The following TTK variants were observed in gnomAD, a reference collection of about 807,000 sequenced individuals.
TTK encodes the protein dual specificity protein kinase TTK.
In TTK, 59 loss-of-function variants were observed where a neutral mutation model predicts 117.3. That is an observed-to-expected ratio of 0.50 (90% CI 0.41 to 0.62). The LOEUF is 0.62. Among genes scored for constraint, TTK ranks in the 20% least tolerant of loss-of-function variants. The pLI, the probability that TTK is intolerant of heterozygous loss-of-function variation, is 0.00. For missense variants in TTK, 921 were observed against 989.4 expected, an observed-to-expected ratio of 0.93 and a Z score of 0.93; for synonymous variants, 302 against 325.0, an observed-to-expected ratio of 0.93 and a Z score of 0.76.
At chr6:80,020,344 A>T (rs1767425350) in intron 10 of TTK, among the ~76,000 whole-genome samples, 1 of 152,158 alleles carries the variant, frequency 6.6e-6, no homozygotes, top group Non-Finnish European at 1.5e-5. Context: ...TCAGTTTCAA[A>T]TGAGTTACTA....
intron 4 of TTK, among the ~76,000 whole-genome samples, chr6:80,009,701 T>C (rs1767092815): frequency 6.6e-6 from 1 of 152,100 alleles, no homozygotes. Context: ...TGCAATGTGG[T>C]CAAATGCATT....
intron 17 of TTK, 64 bp downstream of exon 17, chr6:80,036,663 T>C: frequency 6.7e-7 from 1 of 1,491,378 alleles, no homozygotes; most frequent in Non-Finnish European, 9.0e-7. Flanking sequence ...TGAAGTATTA[T>C]ATTGCAAATG....
chr6:80,022,123 A>G (rs533567889), intron 10 of TTK, among the ~76,000 whole-genome samples: 18 of 152,340 alleles, frequency 1.2e-4, no homozygotes, highest in African/African-American at 4.3e-4. Context: ...ATGTAGGAAG[A>G]TGACTATAGT....
At position 80,031,126 on chromosome 6, in the gene TTK, AAGAAT is replaced by A. The variant is rs544474091; in HGVS notation, c.1522-336_1522-332del. 2.4e-3 allele frequency among the ~76,000 whole-genome samples: 370 copies of A among 151,546 alleles called. 7 individuals carry two copies. The highest frequency in any genetic ancestry group is 0.023 in the Admixed American group (352 of 15,210). On this transcript the variant is annotated intron_variant, in intron 13 of 21. Coordinates refer to ENST00000369798, the MANE Select transcript of TTK (RefSeq NM_003318.5). ...ATGTAAGTAAAGAGGTATAAGGAAA[AAGAAT>A]AGAAAAGAAAAATGAAAAATATAAT...
chr6:80,029,474 A>G (rs1358515568), intron 13 of TTK, among the ~76,000 whole-genome samples: 7 of 152,256 alleles, frequency 4.6e-5, no homozygotes, highest in Non-Finnish European at 8.8e-5. Flanking sequence ...TTGTTCATGC[A>G]TTGATTCAAA....
intron 11 of TTK, among the ~76,000 whole-genome samples, 161 bp from the exon 12 acceptor site, chr6:80,026,217 A>G (rs1045289336): frequency 2.0e-5 from 3 of 152,208 alleles, no homozygotes; most frequent in African/African-American, 7.2e-5. Context: ...CACTAAAAAA[A>G]TTATTGAAAG....
intron 16 of TTK, among the ~76,000 whole-genome samples, chr6:80,036,108 G>A (rs763963853): frequency 7.2e-5 from 11 of 151,992 alleles, no homozygotes; most frequent in African/African-American, 2.4e-4. Context: ...AATCACAGTG[G>A]TTAAGAGGAT....
chr6:80,031,750 C>T (rs1015669077), intron 14 of TTK, among the ~76,000 whole-genome samples, 191 bp downstream of exon 14: 4 of 152,118 alleles, frequency 2.6e-5, no homozygotes, highest in Non-Finnish European at 4.4e-5. Flanking sequence ...CTTTAGATCT[C>T]TTATTCCCAG....
intron 13 of TTK, 89 bp downstream of exon 13, chr6:80,028,100 G>T (rs1767654357): frequency 7.3e-7 from 1 of 1,368,674 alleles, no homozygotes; most frequent in Non-Finnish European, 9.6e-7. Flanking sequence ...ATCAAGAAAG[G>T]TCTTAAGAAC....
chr6:80,036,454 C>G, intron 16 of TTK, 21 bp from the exon 17 acceptor site: 2 of 1,586,272 alleles, frequency 1.3e-6, no homozygotes, highest in Non-Finnish European at 1.7e-6. Context: ...TTTAATATTA[C>G]AGTGGATTTT....
rs1000597475 is a variant in TTK, at chr6:80,039,956, C to A, written c.2307+84C>A. 3 of 1,145,344 alleles carry A rather than the reference C, an allele frequency of 2.6e-6. No homozygotes were observed. In the African/African-American group the frequency reaches 4.9e-5, roughly 19 times the overall value. 70.9% of individuals were successfully genotyped at this position (1,145,344 alleles called of 1,614,324 possible). A position where few individuals can be genotyped will look rare whatever the true frequency, so the allele number is the denominator to read the frequency against. On this transcript the variant is annotated intron_variant, in intron 19 of 21. Transcript: ENST00000369798. ...AATTATGTAACTGGCTTAGATATAA[C>A]TGTTCTATTCAAAAGAATTGCTAAC...
intron 7 of TTK, 24 bp from the exon 8 acceptor site, chr6:80,011,858 GTTAT>G (rs1562012472): frequency 6.2e-7 from 1 of 1,611,790 alleles, no homozygotes. Context: ...TTCCTAGTTG[GTTAT>G]TTAATCTTTC....
chr6:80,011,958 G>A lies in TTK; in HGVS notation c.874G>A (p.Val292Ile). 1 of 1,608,980 alleles carries A rather than the reference G, an allele frequency of 6.2e-7. No homozygotes were observed. Among genetic ancestry groups the A allele is most frequent in the Non-Finnish European group, 8.5e-7 (1 of 1,178,342 alleles). ...TTGTGATGTGAAGACAGATGATTCA[G>A]TTGTACCTTGTTTTATGAAAAGGTA... ...PDCDVKTDDS[V>I]VPCFMKRQTS... is the part of the protein sequence containing the mutation. The change falls in exon 8 of 22, where the codon GTT (valine) becomes ATT (isoleucine). Residue 292 changes from valine (V) to isoleucine (I), a missense_variant. Transcript: ENST00000369798.
rs557025239 is a variant in TTK, at chr6:80,024,148, A to G, written c.1257+1676A>G. Among the ~76,000 whole-genome samples the G allele has an allele frequency of 4.6e-5, 7 of 152,350 alleles. No individual in the cohort carries two copies. The East Asian group carries it at 9.6e-4, about 21-fold the overall frequency. On this transcript the variant is annotated intron_variant, in intron 11 of 21. Transcript: ENST00000369798. ...ATGTGGAGAATTTTAGAACCTTCAT[A>G]TGCTGCTAGTGGGAATGTAAAATGG...
chr6:80,017,952 G>T (rs1767354356), intron 10 of TTK, among the ~76,000 whole-genome samples: 1 of 152,046 alleles, frequency 6.6e-6, no homozygotes, highest in African/African-American at 2.4e-5. Context: ...TTTTGATGCT[G>T]TGATAGTGAA....
intron 18 of TTK, 102 bp downstream of exon 18, chr6:80,038,149 C>G: frequency 1.4e-6 from 1 of 708,900 alleles, no homozygotes; most frequent in Non-Finnish European, 2.1e-6. Flanking sequence ...AGTTCTAAAA[C>G]TTTTTAGGCC....
chr6:80,029,718 G>T lies in TTK; in HGVS notation c.1521+1707G>T, dbSNP rs139244038. ...AAGAGGGTGGGAAGCTTTGGAAGAG[G>T]TTGAAGCAGGGAAGTGAAATGATCC... On this transcript the variant is annotated intron_variant, in intron 13 of 21. Transcript: ENST00000369798. Among the ~76,000 whole-genome samples, 26 of 152,332 alleles carry T rather than the reference G, an allele frequency of 1.7e-4. No homozygotes were observed. In the East Asian group the frequency reaches 5.0e-3, roughly 29 times the overall value.
At chr6:80,013,079 T>G (rs1767202800) in intron 8 of TTK, among the ~76,000 whole-genome samples, 200 bp from the exon 9 acceptor site, 1 of 152,128 alleles carries the variant, frequency 6.6e-6, no homozygotes. Context: ...GTGTCACTTT[T>G]GTCATTGCCC....
chr6:80,016,870 C>T (rs1303755249), intron 10 of TTK, among the ~76,000 whole-genome samples: 2 of 152,092 alleles, frequency 1.3e-5, no homozygotes, highest in Non-Finnish European at 2.9e-5. Flanking sequence ...TAAATATTGG[C>T]AAGACAAAGG....
Sources: gnomAD v4.1 joint callset for allele counts (sites outside exome capture counted in the v4.1 genomes callset) on GRCh38, gnomAD v4.1.1 for gene constraint, MANE v1.5 for transcripts, NCBI Gene and HGNC (gene_info 2026-07-23, HGNC 2026-07-21) for gene names.